The following PRTG variants were observed in gnomAD, a reference collection of about 807,000 sequenced individuals.
PRTG encodes immunoglobulin superfamily, DCC subclass, member 5.
In PRTG, 67 loss-of-function variants were observed where a neutral mutation model predicts 122.5. That is an observed-to-expected ratio of 0.55 (90% CI 0.45 to 0.67). PRTG has a LOEUF of 0.67. Among genes scored for constraint, PRTG ranks in the 30% least tolerant of loss-of-function variants. The pLI is 0.00. For missense variants in PRTG, 1,435 were observed against 1,415.4 expected (o/e 1.01, Z -0.22); for synonymous variants, 554 against 501.1 (o/e 1.11, Z -1.41).
At chr15:55,639,469 T>G (rs1056296012) in intron 13 of PRTG, among the ~76,000 whole-genome samples, 173 bp downstream of exon 13, 2 of 152,194 alleles carry the variant, frequency 1.3e-5, no homozygotes, top group Non-Finnish European at 2.9e-5. Flanking sequence ...AAGTATGGTT[T>G]TCAGAATATG....
intron 1 of PRTG, among the ~76,000 whole-genome samples, chr15:55,740,949 G>A (rs1385962248): frequency 6.6e-6 from 1 of 152,200 alleles, no homozygotes; most frequent in African/African-American, 2.4e-5. Flanking sequence ...CTGCTCTCAA[G>A]TTCCTTGCTA....
intron 11 of PRTG, among the ~76,000 whole-genome samples, chr15:55,651,415 T>C (rs933288611): frequency 1.1e-4 from 17 of 152,162 alleles, no homozygotes; most frequent in African/African-American, 2.4e-4. Flanking sequence ...CTTTTGATCA[T>C]TGCTTTACTC....
At chr15:55,706,177 A>G (rs905003748) in intron 2 of PRTG, among the ~76,000 whole-genome samples, 1 of 151,728 alleles carries the variant, frequency 6.6e-6, no homozygotes, top group Non-Finnish European at 1.5e-5. Flanking sequence ...ACTATTCTTT[A>G]CAAAAACACT....
intron 2 of PRTG, among the ~76,000 whole-genome samples, chr15:55,718,411 A>AACCTC (rs1405121768): frequency 6.6e-6 from 1 of 151,894 alleles, no homozygotes. Flanking sequence ...TCCCAACCCC[A>AACCTC]AGCGTTGCTG....
chr15:55,647,710 A>C (rs141117474), intron 11 of PRTG, among the ~76,000 whole-genome samples: 2 of 152,372 alleles, frequency 1.3e-5, no homozygotes, highest in East Asian at 3.9e-4. Context: ...GGTAGTATCA[A>C]AAATATGGCA....
At chr15:55,671,807 T>C (rs2059473559) in intron 11 of PRTG, among the ~76,000 whole-genome samples, 1 of 152,182 alleles carries the variant, frequency 6.6e-6, no homozygotes, top group Non-Finnish European at 1.5e-5. Flanking sequence ...GGCCCATGTA[T>C]TCATTTTGGA....
chr15:55,639,162 A>G (rs762629191), intron 13 of PRTG, among the ~76,000 whole-genome samples: 4 of 152,082 alleles, frequency 2.6e-5, no homozygotes, highest in Non-Finnish European at 5.9e-5. Context: ...TTTTGGAGAG[A>G]TGGGATCTGG....
At chr15:55,735,358 C>T (rs1210228231) in intron 2 of PRTG, among the ~76,000 whole-genome samples, 3 of 152,054 alleles carry the variant, frequency 2.0e-5, no homozygotes, top group Non-Finnish European at 2.9e-5. Flanking sequence ...TCAAGAATAT[C>T]GTGGTTTTCA....
Position 55,678,050 on chromosome 15 carries a change from GA to G in PRTG, c.1134-7del, listed in dbSNP as rs2059513437. 1 of 1,526,460 alleles carries G rather than the reference GA, an allele frequency of 6.6e-7. No homozygotes were observed. Among genetic ancestry groups the G allele is most frequent in the Non-Finnish European group, 8.9e-7 (1 of 1,119,740 alleles). 94.6% of individuals were successfully genotyped at this position (1,526,460 alleles called of 1,614,324 possible). On this transcript the variant is annotated splice_region_variant and splice_polypyrimidine_tract_variant and intron_variant, in intron 7 of 19. Transcript: ENST00000389286. ...TCTGGTTAATTACCAATTTACTAGG[GA>G]AAGAAAAAAAATTATTTCCATGAAA...
At chr15:55,682,582 G>T (rs866902792) in intron 3 of PRTG, 85 bp from the exon 4 acceptor site, 28 of 188,134 alleles carry the variant, frequency 1.5e-4, no homozygotes, top group Non-Finnish European at 2.1e-4. Context: ...ATTTATTTAT[G>T]AGATGGAGTT....
At chr15:55,623,163 A>G (rs1260594810) in intron 18 of PRTG, among the ~76,000 whole-genome samples, 1 of 152,208 alleles carries the variant, frequency 6.6e-6, no homozygotes, top group Non-Finnish European at 1.5e-5. Flanking sequence ...AGGGTTTGGC[A>G]AACTTTTTCT....
intron 7 of PRTG, among the ~76,000 whole-genome samples, chr15:55,678,778 T>C (rs1056687574): frequency 2.6e-5 from 4 of 152,220 alleles, no homozygotes; most frequent in Non-Finnish European, 5.9e-5. Flanking sequence ...CAGAATATTA[T>C]AGTGTGTACA....
At chr15:55,620,872 CTTTTCA>C (rs1174799989) in intron 18 of PRTG, 105 bp from the exon 19 acceptor site, 1 of 959,480 alleles carries the variant, frequency 1.0e-6, no homozygotes, top group Non-Finnish European at 1.5e-6. Context: ...TCACATTTCC[CTTTTCA>C]TTTTTATTTT....
At chr15:55,697,661 T>C (rs1014505927) in intron 2 of PRTG, among the ~76,000 whole-genome samples, 2 of 152,234 alleles carry the variant, frequency 1.3e-5, no homozygotes, top group South Asian at 2.1e-4. Context: ...CCAGCCACTT[T>C]GTATTTTTAG....
In PRTG at chr15:55,618,143, T is replaced by C. The variant is rs1326102847; in HGVS notation, c.*1869A>G. On this transcript the variant is annotated 3_prime_UTR_variant, in exon 20 of 20. Coordinates refer to ENST00000389286, the MANE Select transcript of PRTG (RefSeq NM_173814.6). ...TGAATTCCGTACTTAGATAACTAAC[T>C]GGGGGACTCTGAGTTTAGTTCAGAA... The C allele has an allele frequency of 6.6e-6, 1 of 152,194 alleles. No homozygotes were observed. Among genetic ancestry groups the C allele is most frequent in the Admixed American group, 6.5e-5 (1 of 15,278 alleles). The allele number at this position is 152,194 out of a possible 1,614,324, so 9.4% of individuals were successfully genotyped here.
chr15:55,663,404 T>C (rs1449774606), intron 11 of PRTG, among the ~76,000 whole-genome samples: 1 of 152,182 alleles, frequency 6.6e-6, no homozygotes, highest in Non-Finnish European at 1.5e-5. Context: ...CATGTATAGA[T>C]TTCTGCAACC....
At chr15:55,727,317 T>C (rs2031069614) in intron 2 of PRTG, among the ~76,000 whole-genome samples, 1 of 151,502 alleles carries the variant, frequency 6.6e-6, no homozygotes, top group Admixed American at 6.6e-5. Context: ...AAATCAGACA[T>C]GAAATTTTTA....
chr15:55,738,483 C>T (rs1361049227), intron 2 of PRTG: 7 of 701,258 alleles, frequency 1.0e-5, no homozygotes, highest in African/African-American at 1.7e-5. Flanking sequence ...GCCACCTCCA[C>T]TATGTACTCC....
chr15:55,652,654 G>A (rs1369310433), intron 11 of PRTG, among the ~76,000 whole-genome samples: 2 of 152,172 alleles, frequency 1.3e-5, no homozygotes, highest in Non-Finnish European at 2.9e-5. Flanking sequence ...CAGCAGAGGA[G>A]CAGGAAAAAC....
Sources: gnomAD v4.1 joint callset for allele counts (sites outside exome capture counted in the v4.1 genomes callset) on GRCh38, gnomAD v4.1.1 for gene constraint, MANE v1.5 for transcripts, NCBI Gene and HGNC (gene_info 2026-07-23, HGNC 2026-07-21) for gene names.